Variants in COL23A1 observed in about 807,000 individuals in gnomAD.
COL23A1 encodes the protein collagen type XXIII alpha 1 chain.
In COL23A1, 97 loss-of-function variants were observed where a neutral mutation model predicts 99.3. That is an observed-to-expected ratio of 0.98 (90% CI 0.83 to 1.16). The LOEUF is 1.16. COL23A1 is among the 50% of genes most tolerant of loss of function. The probability of loss-of-function intolerance (pLI) is 0.00; values close to 1 mark genes in which losing one functional copy is unlikely to be tolerated. For missense variants in COL23A1, 762 were observed against 757.4 expected, an observed-to-expected ratio of 1.01 and a Z score of -0.07; for synonymous variants, 320 against 308.2, an observed-to-expected ratio of 1.04 and a Z score of -0.40.
intron 2 of COL23A1, among the ~76,000 whole-genome samples, chr5:178,397,796 G>A (rs1314625611): frequency 3.9e-5 from 6 of 152,096 alleles, no homozygotes. Flanking sequence ...AGACCATCCT[G>A]GCCAACATGG....
chr5:178,247,172 C>T lies in COL23A1; in HGVS notation c.1296+354G>A, dbSNP rs192240909. On this transcript the variant is annotated intron_variant, in intron 22 of 28. Coordinates refer to ENST00000390654, the MANE Select transcript of COL23A1 (RefSeq NM_173465.4). ...AGCTGAGAGACAGATGTGTGTGGGG[C>T]GGGCTGGGATGGGGAGAGGTGGGGA... Among the ~76,000 whole-genome samples, 1,155 of 136,358 alleles carry T rather than the reference C, an allele frequency of 8.5e-3. 17 individuals carry two copies. Among genetic ancestry groups the T allele is most frequent in the Middle Eastern group, 0.014 (4 of 284 alleles). The allele number at this position is 136,358 out of a possible 152,430, so 89.5% of individuals were successfully genotyped here.
intron 2 of COL23A1, among the ~76,000 whole-genome samples, chr5:178,330,598 G>A (rs937737771): frequency 6.6e-6 from 1 of 151,762 alleles, no homozygotes. Context: ...AGGTTGCAGT[G>A]AGCCGAGATT....
intron 2 of COL23A1, among the ~76,000 whole-genome samples, chr5:178,465,645 A>G (rs911814272): frequency 6.6e-6 from 1 of 152,204 alleles, no homozygotes; most frequent in Admixed American, 6.5e-5. Flanking sequence ...CCTCTCTAGA[A>G]TATTCTAGCA....
intron 2 of COL23A1, among the ~76,000 whole-genome samples, chr5:178,401,400 A>G (rs982991146): frequency 2.3e-4 from 35 of 152,238 alleles, no homozygotes; most frequent in Admixed American, 1.8e-3. Context: ...ATGAAGCATA[A>G]AGCATGTAGT....
chr5:178,358,130 C>G (rs111066787), intron 2 of COL23A1, among the ~76,000 whole-genome samples: 5 of 126,776 alleles, frequency 3.9e-5, no homozygotes, highest in Non-Finnish European at 6.9e-5. Flanking sequence ...TACGTGTGTA[C>G]GTCTAATGTG....
intron 12 of COL23A1, among the ~76,000 whole-genome samples, chr5:178,259,449 G>A (rs1765508247): frequency 1.3e-5 from 2 of 152,220 alleles, no homozygotes; most frequent in Admixed American, 1.3e-4. Context: ...CAGCCCTGAA[G>A]TGGGCAGGAA....
At chr5:178,371,471 C>T (rs1343698609) in intron 2 of COL23A1, among the ~76,000 whole-genome samples, 8 of 152,112 alleles carry the variant, frequency 5.3e-5, no homozygotes, top group Admixed American at 3.3e-4. Flanking sequence ...GCTGAGACTC[C>T]GCCAGTCCCA....
intron 2 of COL23A1, among the ~76,000 whole-genome samples, chr5:178,498,757 A>G (rs1562026260): frequency 6.6e-6 from 1 of 152,176 alleles, no homozygotes; most frequent in African/African-American, 2.4e-5. Context: ...TACTGTTTAC[A>G]GGAGACATGC....
intron 21 of COL23A1, 92 bp downstream of exon 21, chr5:178,247,683 T>C (rs1003775626): frequency 6.7e-5 from 103 of 1,548,568 alleles, no homozygotes; most frequent in Non-Finnish European, 9.0e-5. Flanking sequence ...AGAAGCCCGC[T>C]CTCTCCTGGG....
In COL23A1 at chr5:178,280,183, G is replaced by T. The variant is rs1350740237; in HGVS notation, c.441+8141C>A. Among the ~76,000 whole-genome samples the T allele has an allele frequency of 1.3e-5, 2 of 152,236 alleles. No individual in the cohort carries two copies. Among genetic ancestry groups the T allele is most frequent in the South Asian group, 4.1e-4 (2 of 4,836 alleles). ...GCCGAAGGCTGCCTCCAGCCCTGGC[G>T]GACTCTTGCGCTGGACTCCCGCCCT... On this transcript the variant is annotated intron_variant, in intron 5 of 28. Transcript: ENST00000390654. The surrounding 1 kb of genome is among the most constrained non-coding windows in gnomAD (Gnocchi z 4.9).
At chr5:178,359,515 G>A (rs1762063989) in intron 2 of COL23A1, among the ~76,000 whole-genome samples, 2 of 152,288 alleles carry the variant, frequency 1.3e-5, no homozygotes, top group South Asian at 2.1e-4. Flanking sequence ...GTGACAGAGC[G>A]AAACTCTTGT....
chr5:178,480,724 G>A (rs751982824), intron 2 of COL23A1, among the ~76,000 whole-genome samples: 16 of 152,110 alleles, frequency 1.1e-4, no homozygotes, highest in Admixed American at 9.8e-4. Flanking sequence ...TAATGGTCAC[G>A]GATAATACCT....
At chr5:178,463,398 C>T (rs754560780) in intron 2 of COL23A1, among the ~76,000 whole-genome samples, 54 of 152,212 alleles carry the variant, frequency 3.5e-4, no homozygotes, top group African/African-American at 1.2e-3. Flanking sequence ...GGGCTGAGGC[C>T]GTGAGGTGGA....
chr5:178,242,912 T>C (rs1581431904), intron 25 of COL23A1, among the ~76,000 whole-genome samples: 1 of 152,156 alleles, frequency 6.6e-6, no homozygotes, highest in African/African-American at 2.4e-5. Flanking sequence ...TTGGATTCAT[T>C]GTGGCCGGGC....
chr5:178,300,681 C>T (rs1028781541), intron 3 of COL23A1, among the ~76,000 whole-genome samples: 1 of 152,006 alleles, frequency 6.6e-6, no homozygotes, highest in Non-Finnish European at 1.5e-5. Context: ...GCCTCAGCCT[C>T]CTGAGTAGCT....
intron 2 of COL23A1, among the ~76,000 whole-genome samples, chr5:178,326,681 T>G (rs949134881): frequency 6.6e-6 from 1 of 152,232 alleles, no homozygotes; most frequent in African/African-American, 2.4e-5. Flanking sequence ...TCATCATTCA[T>G]CCATTTCTCC....
At chr5:178,442,050 G>A (rs538916828) in intron 2 of COL23A1, among the ~76,000 whole-genome samples, 5 of 152,102 alleles carry the variant, frequency 3.3e-5, no homozygotes, top group African/African-American at 4.8e-5. Flanking sequence ...CACGGGCCTG[G>A]CCCTCTGGGA....
At chr5:178,556,520 G>C (rs899592120) in intron 2 of COL23A1, among the ~76,000 whole-genome samples, 1 of 151,860 alleles carries the variant, frequency 6.6e-6, no homozygotes. Flanking sequence ...CTACTTGGGA[G>C]GCTGAGGCAG....
intron 4 of COL23A1, among the ~76,000 whole-genome samples, chr5:178,289,819 C>T (rs773073001): frequency 2.0e-5 from 3 of 152,196 alleles, no homozygotes; most frequent in African/African-American, 4.8e-5. Context: ...GGTCACAGAA[C>T]GTTCCGGCGA....
Sources: gnomAD v4.1 joint callset for allele counts (sites outside exome capture counted in the v4.1 genomes callset) on GRCh38, gnomAD v4.1.1 for gene constraint, Gnocchi (gnomAD v3.1) non-coding constraint, MANE v1.5 for transcripts, NCBI Gene and HGNC (gene_info 2026-07-23, HGNC 2026-07-21) for gene names.